Variants in MCPH1 observed in about 807,000 individuals in gnomAD.
MCPH1 encodes microcephalin 1, also known as microcephalin.
In MCPH1, 104 loss-of-function variants were observed where a neutral mutation model predicts 84.5. That is an observed-to-expected ratio of 1.23 (90% CI 1.05 to 1.45). MCPH1 has a LOEUF of 1.45. Ranked by LOEUF, MCPH1 falls within the 40% of genes most tolerant of loss-of-function variation. The pLI is 0.00. For synonymous variants in MCPH1, 514 were observed against 366.8 expected, an observed-to-expected ratio of 1.40 and a Z score of -4.58; for missense variants, 1,498 against 1,005.7, an observed-to-expected ratio of 1.49 and a Z score of -6.62.
chr8:6,646,953 G>T lies in MCPH1; in HGVS notation c.*3904G>T, dbSNP rs1274903390. 2 of 151,588 alleles carry T rather than the reference G, an allele frequency of 1.3e-5. No homozygotes were observed. Among genetic ancestry groups the T allele is most frequent in the Non-Finnish European group, 2.9e-5 (2 of 67,940 alleles). 9.4% of individuals were successfully genotyped at this position (151,588 alleles called of 1,614,324 possible). A position where few individuals can be genotyped will look rare whatever the true frequency, so the allele number is the denominator to read the frequency against. ...GCATAATTCATTAAAAAAATAAGTT[G>T]GGCTTTGTCAAAATTTTAAGTTTTG... On this transcript the variant is annotated 3_prime_UTR_variant, in exon 14 of 14. Transcript: ENST00000344683.
At chr8:6,626,230 T>C (rs1832060631) in intron 13 of MCPH1, 5 of 985,162 alleles carry the variant, frequency 5.1e-6, no homozygotes, top group Non-Finnish European at 6.0e-6. Context: ...GGAGTGGAGG[T>C]GTGAAGTCAC....
intron 8 of MCPH1, chr8:6,447,302 A>G (rs1363158136): frequency 1.8e-5 from 18 of 985,192 alleles, no homozygotes; most frequent in African/African-American, 3.5e-5. Context: ...AATGTCAGGG[A>G]TGCACACTCT....
intron 12 of MCPH1, among the ~76,000 whole-genome samples, chr8:6,607,238 C>A (rs973306137): frequency 6.6e-6 from 1 of 152,198 alleles, no homozygotes; most frequent in African/African-American, 2.4e-5. Context: ...TCTGAAGACA[C>A]AGAGCACAGA....
chr8:6,591,847 A>G (rs9657427), intron 12 of MCPH1, among the ~76,000 whole-genome samples: 18,714 of 152,174 alleles, frequency 0.12, 1,264 homozygotes, highest in African/African-American at 0.16. Context: ...AATACAAAAA[A>G]AGGAGTTGAA....
intron 12 of MCPH1, among the ~76,000 whole-genome samples, chr8:6,519,329 A>T (rs1816868129): frequency 6.6e-6 from 1 of 152,206 alleles, no homozygotes; most frequent in Non-Finnish European, 1.5e-5. Flanking sequence ...AGCAAAAACC[A>T]TGGTGGGTAA....
chr8:6,491,493 A>G (rs1287238282), intron 11 of MCPH1, among the ~76,000 whole-genome samples: 2 of 144,114 alleles, frequency 1.4e-5, no homozygotes, highest in East Asian at 4.0e-4. Flanking sequence ...TTTTTATTAT[A>G]CTTTAAGTTC....
intron 1 of MCPH1, chr8:6,406,943 C>A (rs1797801473): frequency 7.6e-6 from 4 of 525,780 alleles, no homozygotes; most frequent in Middle Eastern, 5.0e-4. Flanking sequence ...TGCTCCCTGT[C>A]CCCCCAAACC....
chr8:6,470,206 A>G (rs1178314328), intron 9 of MCPH1, among the ~76,000 whole-genome samples: 1 of 152,206 alleles, frequency 6.6e-6, no homozygotes, highest in Admixed American at 6.5e-5. Context: ...TAAAGGTTTC[A>G]GCTTCCTGGA....
At chr8:6,461,884 C>T (rs1806336267) in intron 9 of MCPH1, among the ~76,000 whole-genome samples, 1 of 151,862 alleles carries the variant, frequency 6.6e-6, no homozygotes, top group African/African-American at 2.4e-5. Flanking sequence ...ATTTTTTTTT[C>T]TCCAAGTATT....
chr8:6,502,981 A>C (rs1008440387), intron 12 of MCPH1: 2 of 1,200,094 alleles, frequency 1.7e-6, no homozygotes, highest in Non-Finnish European at 2.4e-6. Context: ...GGGTCCCGTC[A>C]GCACCGAGCA....
At position 6,643,125 on chromosome 8, in the gene MCPH1, C is replaced by A; in HGVS notation, c.*76C>A. The A allele has an allele frequency of 7.7e-7, 1 of 1,293,020 alleles. No homozygotes were observed. The highest frequency in any genetic ancestry group is 1.1e-6 in the Non-Finnish European group (1 of 892,358). The allele number at this position is 1,293,020 out of a possible 1,614,324, so 80.1% of individuals were successfully genotyped here. On this transcript the variant is annotated 3_prime_UTR_variant, in exon 14 of 14. Coordinates refer to ENST00000344683, the MANE Select transcript of MCPH1 (RefSeq NM_024596.5). ...TTGGATGTTCAAATGAGAAACAAAA[C>A]TGTGAAGAGAAGGAACTGGCGTATA...
chr8:6,444,952 T>G lies in MCPH1; in HGVS notation c.1230T>G (p.Ser410=), dbSNP rs1300631653. Reference sequence around the variant, plus strand: ...TGGAGGCTCTTAGCTGTGGGGAGTCTTCATATGATGACTATTTTTCACCTG... The same window carrying G: ...TGGAGGCTCTTAGCTGTGGGGAGTCGTCATATGATGACTATTTTTCACCTG... ...PALEALSCGE[S]SYDDYFSPDN... is the part of the protein sequence containing the mutation. Residue 410 remains serine (S), a synonymous_variant, in exon 8 of 14, where the codon TCT becomes TCG. Transcript: ENST00000344683. 6.2e-7 allele frequency: 1 copy of G among 1,614,142 alleles called. No individual in the cohort carries two copies. The highest frequency in any genetic ancestry group is 2.2e-5 in the East Asian group (1 of 44,880).
intron 3 of MCPH1, among the ~76,000 whole-genome samples, chr8:6,420,385 T>A (rs1662368970): frequency 6.6e-6 from 1 of 152,242 alleles, no homozygotes; most frequent in Non-Finnish European, 1.5e-5. Flanking sequence ...CCCGACTTTC[T>A]GCATCCATAG....
At chr8:6,487,068 C>G (rs897887635) in intron 11 of MCPH1, among the ~76,000 whole-genome samples, 10 of 152,172 alleles carry the variant, frequency 6.6e-5, no homozygotes, top group African/African-American at 1.9e-4. Context: ...AATAACTCAG[C>G]CTGTATTCAG....
At chr8:6,435,026 C>T (rs573394662) in intron 4 of MCPH1, among the ~76,000 whole-genome samples, 3 of 152,172 alleles carry the variant, frequency 2.0e-5, no homozygotes, top group East Asian at 1.9e-4. Context: ...GAAACATTTC[C>T]CCTGTCTGAG....
intron 9 of MCPH1, 26 bp from the exon 10 acceptor site, chr8:6,477,568 T>G (rs764262979): frequency 6.2e-7 from 1 of 1,607,052 alleles, no homozygotes; most frequent in South Asian, 1.1e-5. Context: ...GACTGTTTTT[T>G]GTTCCTTCTT....
chr8:6,418,467 A>G (rs1449491396), intron 3 of MCPH1, among the ~76,000 whole-genome samples: 1 of 152,110 alleles, frequency 6.6e-6, no homozygotes, highest in African/African-American at 2.4e-5. Flanking sequence ...TTGGTTTGTT[A>G]GGCATAAACA....
intron 12 of MCPH1, among the ~76,000 whole-genome samples, chr8:6,504,317 CAAA>C (rs35379672): frequency 1.2e-5 from 1 of 85,902 alleles, no homozygotes; most frequent in Non-Finnish European, 2.2e-5. Context: ...GACTCCAGCT[CAAA>C]AAAAAAAAAA....
At chr8:6,498,375 C>T (rs377162867) in intron 11 of MCPH1, among the ~76,000 whole-genome samples, 2 of 152,202 alleles carry the variant, frequency 1.3e-5, no homozygotes, top group Non-Finnish European at 2.9e-5. Flanking sequence ...AATGTTTACA[C>T]TGTATTTCTG....
Sources: allele counts gnomAD v4.1 joint callset (sites outside exome capture counted in the v4.1 genomes callset), GRCh38; gene constraint gnomAD v4.1.1; transcripts MANE v1.5; gene names NCBI Gene and HGNC (gene_info 2026-07-23, HGNC 2026-07-21).